The following GGT7 variants were observed in gnomAD, a reference collection of about 807,000 sequenced individuals.
The protein encoded by GGT7 is gamma-glutamyltransferase 7.
GGT7 carries 30 observed loss-of-function variants against 69.2 expected under a neutral mutation model. The ratio of observed to expected loss-of-function variants is 0.43; its 90% CI spans 0.32 to 0.59. The LOEUF (loss-of-function observed/expected upper bound fraction) is 0.59. Ranked by LOEUF, GGT7 falls within the 20% of genes least tolerant of loss-of-function variation. The pLI is 0.05. For synonymous variants in GGT7, 388 were observed against 391.8 expected, an observed-to-expected ratio of 0.99 and a Z score of 0.12; for missense variants, 733 against 901.1, an observed-to-expected ratio of 0.81 and a Z score of 2.39.
At chr20:34,857,662 G>T (rs1428668289) in intron 7 of GGT7, among the ~76,000 whole-genome samples, 1 of 142,508 alleles carries the variant, frequency 7.0e-6, no homozygotes, top group African/African-American at 2.7e-5. Context: ...CTGTCGCCCA[G>T]GCTGGAATGC....
At chr20:34,857,612 T>C (rs186735587) in intron 7 of GGT7, among the ~76,000 whole-genome samples, 1 of 140,704 alleles carries the variant, frequency 7.1e-6, no homozygotes, top group African/African-American at 2.6e-5. Context: ...GAATTACACA[T>C]TGATTTTTTT....
chr20:34,863,048 G>C lies in GGT7; in HGVS notation c.406-83C>G, dbSNP rs2079625397. 3 of 1,371,354 alleles carry C rather than the reference G, an allele frequency of 2.2e-6. No individual in the cohort carries two copies. Among genetic ancestry groups the C allele is most frequent in the East Asian group, 5.0e-5 (2 of 40,182 alleles). 84.9% of individuals were successfully genotyped at this position (1,371,354 alleles called of 1,614,324 possible). ...ACCTCCACTAGCCCTAGAACTCTACGCGGCATGAAGGTCGAAGCCCTGCCC... is the reference window on the plus strand; with the variant it reads ...ACCTCCACTAGCCCTAGAACTCTACCCGGCATGAAGGTCGAAGCCCTGCCC... On this transcript the variant is annotated intron_variant, in intron 2 of 14. Coordinates refer to ENST00000336431, the MANE Select transcript of GGT7 (RefSeq NM_178026.3). The surrounding 1 kb of genome is among the most constrained non-coding windows in gnomAD (Gnocchi z 4.4).
intron 1 of GGT7, among the ~76,000 whole-genome samples, chr20:34,869,179 A>C (rs563854075): frequency 6.7e-6 from 1 of 149,340 alleles, no homozygotes; most frequent in Non-Finnish European, 1.5e-5. Flanking sequence ...TATATATATA[A>C]AATTTTGAAA....
chr20:34,859,419 C>T (rs754593599), intron 7 of GGT7, 24 bp downstream of exon 7: 11 of 1,546,968 alleles, frequency 7.1e-6, no homozygotes, highest in Admixed American at 3.7e-5. Flanking sequence ...GGCATGCCCC[C>T]ACCCGCACAA....
At chr20:34,865,476 C>T (rs2079674713) in intron 1 of GGT7, among the ~76,000 whole-genome samples, 2 of 152,252 alleles carry the variant, frequency 1.3e-5, no homozygotes, top group African/African-American at 4.8e-5. Context: ...AGGCATGAGC[C>T]ACTGCGCCCG....
chr20:34,849,138 T>A (rs1281213393), intron 14 of GGT7, among the ~76,000 whole-genome samples: 1 of 151,852 alleles, frequency 6.6e-6, no homozygotes, highest in African/African-American at 2.4e-5. Flanking sequence ...GCACCAATTC[T>A]TTGTATAGTG....
rs1412946597 is a variant in GGT7 at position 34,863,469 on chromosome 20, C to T, written c.249G>A (p.Ser83=). 1.2e-6 allele frequency: 2 copies of T among 1,610,120 alleles called. No individual in the cohort carries two copies. Among genetic ancestry groups the T allele is most frequent in the African/African-American group, 2.7e-5 (2 of 74,870 alleles). ...GGTCTTTGCGCGTCTCGCGTAGCGG[C>T]GACCCGTCTTGGCTGCCCATCTCCG... ...SSSEMGSQDG[S]PLRETRKDPF... The change falls in exon 2 of 15, where the codon TCG becomes TCA. Residue 83 remains serine, a synonymous_variant. Transcript: ENST00000336431. This position sits in a 1 kb window ranked among gnomAD's most constrained non-coding sequence, Gnocchi z 4.4.
At position 34,854,838 on chromosome 20, in the gene GGT7, G is replaced by A; in HGVS notation, c.1188C>T (p.Thr396=). ...ALNILEGFNL[T]SLVSREQALH... is the part of the protein sequence containing the mutation. ...GAGCCTGTTCTCGGGATACCAGGCT[G>A]GTGAGATTGAAGCCCTCCAGGATGT... is the stretch of plus-strand genomic sequence containing the variant. The change falls in exon 9 of 15, where the codon ACC becomes ACT. Residue 396 remains threonine (T), a synonymous_variant. Transcript: ENST00000336431. The A allele has an allele frequency of 6.2e-7, 1 of 1,614,094 alleles. No individual in the cohort carries two copies. The highest frequency in any genetic ancestry group is 8.5e-7 in the Non-Finnish European group (1 of 1,179,952).
At position 34,863,364 on chromosome 20, in the gene GGT7, A is replaced by C. The variant is rs1257130886; in HGVS notation, c.354T>G (p.Ala118=). 1 of 1,613,972 alleles carries C rather than the reference A, an allele frequency of 6.2e-7. No homozygotes were observed. The highest frequency in any genetic ancestry group is 2.2e-5 in the East Asian group (1 of 44,854). The change falls in exon 2 of 15, where the codon GCT becomes GCG. Residue 118 remains alanine (A), a synonymous_variant. Transcript: ENST00000336431. The surrounding 1 kb of genome is among the most constrained non-coding windows in gnomAD (Gnocchi z 4.4). ...TGACCAGCGCCACGGTGACACCGGTAGCGAAGGTGAGACAGGCCGTGACGA... is the reference window on the plus strand; with the variant it reads ...TGACCAGCGCCACGGTGACACCGGTCGCGAAGGTGAGACAGGCCGTGACGA... ...TVIVTACLTF[A]TGVTVALVMQ... is the part of the protein sequence containing the mutation.
intron 7 of GGT7, among the ~76,000 whole-genome samples, chr20:34,857,801 T>A (rs972008981): frequency 1.3e-5 from 2 of 152,054 alleles, no homozygotes; most frequent in Admixed American, 6.6e-5. Context: ...GTATGTTTTG[T>A]AGAGATGGGG....
At chr20:34,861,706 T>A in intron 3 of GGT7, 144 bp from the exon 4 acceptor site, 2 of 467,574 alleles carry the variant, frequency 4.3e-6, no homozygotes, top group Non-Finnish European at 7.3e-6. Context: ...CTCCCCAGCA[T>A]GGATTCACAG....
chr20:34,870,195 C>A (rs1352779188), intron 1 of GGT7, among the ~76,000 whole-genome samples: 2 of 152,196 alleles, frequency 1.3e-5, no homozygotes, highest in African/African-American at 2.4e-5. Context: ...CAAATGATTA[C>A]ACTGAAATGA....
At chr20:34,851,019 G>T in intron 13 of GGT7, 1 of 673,892 alleles carries the variant, frequency 1.5e-6, no homozygotes. Flanking sequence ...CCCTGCAACC[G>T]GGAAAGACAG....
chr20:34,847,216 A>T (rs987547663), intron 14 of GGT7, among the ~76,000 whole-genome samples: 1 of 152,194 alleles, frequency 6.6e-6, no homozygotes, highest in Non-Finnish European at 1.5e-5. Flanking sequence ...TACTTACTAC[A>T]TAGATGAACA....
chr20:34,855,004 A>G (rs2079468100), intron 8 of GGT7, 81 bp from the exon 9 acceptor site: 1 of 1,383,088 alleles, frequency 7.2e-7, no homozygotes, highest in Middle Eastern at 2.4e-4. Context: ...ACATTCCACC[A>G]TCACACACTG....
At chr20:34,852,890 T>C (rs75165698) in intron 10 of GGT7, among the ~76,000 whole-genome samples, 188 of 152,312 alleles carry the variant, frequency 1.2e-3, no homozygotes, top group African/African-American at 4.0e-3. Flanking sequence ...TTTAAACTAA[T>C]GTTTGTAGTC....
rs1340426878 is a variant in GGT7 at position 34,863,049 on chromosome 20, C to G, written c.406-84G>C. 2 of 1,372,952 alleles carry G rather than the reference C, an allele frequency of 1.5e-6. No individual in the cohort carries two copies. The highest frequency in any genetic ancestry group is 2.0e-6 in the Non-Finnish European group (2 of 1,000,318). 85.0% of individuals were successfully genotyped at this position (1,372,952 alleles called of 1,614,324 possible). ...CCTCCACTAGCCCTAGAACTCTACG[C>G]GGCATGAAGGTCGAAGCCCTGCCCC... On this transcript the variant is annotated intron_variant, in intron 2 of 14. Transcript: ENST00000336431. The surrounding 1 kb of genome is among the most constrained non-coding windows in gnomAD (Gnocchi z 4.4).
At chr20:34,858,696 T>C (rs547619011) in intron 7 of GGT7, among the ~76,000 whole-genome samples, 2 of 152,302 alleles carry the variant, frequency 1.3e-5, no homozygotes, top group South Asian at 4.1e-4. Context: ...CCAGTCTTGA[T>C]ACTCAACAAT....
intron 14 of GGT7, among the ~76,000 whole-genome samples, chr20:34,845,801 T>C (rs1184694418): frequency 2.0e-5 from 3 of 152,206 alleles, no homozygotes; most frequent in African/African-American, 7.2e-5. Context: ...GGCTCATGCC[T>C]GTAATCCCAG....
Sources: gnomAD v4.1 joint callset for allele counts (sites outside exome capture counted in the v4.1 genomes callset) on GRCh38, gnomAD v4.1.1 for gene constraint, Gnocchi (gnomAD v3.1) non-coding constraint, MANE v1.5 for transcripts, NCBI Gene and HGNC (gene_info 2026-07-23, HGNC 2026-07-21) for gene names.